The following CACNA1C variants were observed in gnomAD, a reference collection of about 807,000 sequenced individuals.
CACNA1C encodes voltage-dependent L-type calcium channel subunit alpha-1C.
CACNA1C carries 30 observed loss-of-function variants against 229.0 expected under a neutral mutation model. That is an observed-to-expected ratio of 0.13 (90% CI 0.10 to 0.18). CACNA1C has a LOEUF of 0.18. Ranked by LOEUF, CACNA1C falls within the 10% of genes least tolerant of loss-of-function variation. The pLI is 1.00. For synonymous variants in CACNA1C, 1,114 were observed against 1,132.5 expected (o/e 0.98, Z 0.33); for missense variants, 1,658 against 2,845.0 (o/e 0.58, Z 9.49).
rs923000662 is a variant in CACNA1C, at chr12:2,098,685, T to C, written c.50-16539T>C. ...GCGATTGTTTTTAAGAGTTGGTTGC[T>C]TAACATGGAAAATGTGCTTCTGGGA... On this transcript the variant is annotated intron_variant, in intron 1 of 46. Coordinates refer to ENST00000399655, the MANE Select transcript of CACNA1C (RefSeq NM_000719.7). Among the ~76,000 whole-genome samples the C allele has an allele frequency of 3.3e-5, 5 of 152,378 alleles. 1 individual carries two copies. The highest frequency in any genetic ancestry group is 6.5e-5 in the Admixed American group (1 of 15,310).
chr12:2,206,081 C>T (rs1198760509), intron 3 of CACNA1C, among the ~76,000 whole-genome samples: 3 of 152,080 alleles, frequency 2.0e-5, no homozygotes, highest in Non-Finnish European at 4.4e-5. Context: ...GTGGGAATTA[C>T]CCTGATTTGA....
At chr12:2,428,560 C>T (rs147730737) in intron 3 of CACNA1C, among the ~76,000 whole-genome samples, 49 of 152,286 alleles carry the variant, frequency 3.2e-4, no homozygotes, top group African/African-American at 1.1e-3. Flanking sequence ...ATCTCAAAGG[C>T]GGGGAGCTTT....
exon 1 of CACNA1C, chr12:1,970,975 T>C (rs1310463174): frequency 2.4e-6 from 2 of 828,368 alleles, no homozygotes; most frequent in African/African-American, 1.8e-5. Flanking sequence ...GAATAGCTTC[T>C]GGGTTTTAAA....
chr12:2,421,980 A>G (rs1595851040), intron 3 of CACNA1C, among the ~76,000 whole-genome samples: 1 of 152,120 alleles, frequency 6.6e-6, no homozygotes, highest in Non-Finnish European at 1.5e-5. Flanking sequence ...GCAACCTGGT[A>G]GTGAACAAAA....
chr12:2,437,553 C>T (rs2099146714), intron 3 of CACNA1C, among the ~76,000 whole-genome samples: 2 of 152,234 alleles, frequency 1.3e-5, no homozygotes, highest in African/African-American at 4.8e-5. Flanking sequence ...AGTTTTTACC[C>T]ATCATGCAGA....
Position 2,354,271 on chromosome 12 carries a change from G to T in CACNA1C, c.478-94705G>T, listed in dbSNP as rs574443274. On this transcript the variant is annotated intron_variant, in intron 3 of 46. Coordinates refer to ENST00000399655, the MANE Select transcript of CACNA1C (RefSeq NM_000719.7). The surrounding 1 kb of genome is among the most constrained non-coding windows in gnomAD (Gnocchi z 4.6). Reference sequence around the variant, plus strand: ...TCACCTGGCTCTCTTGCCTAAGCCTGTCACAGAAGCCCTGCAGAGCAGGAA... The same window carrying T: ...TCACCTGGCTCTCTTGCCTAAGCCTTTCACAGAAGCCCTGCAGAGCAGGAA... Among the ~76,000 whole-genome samples the T allele has an allele frequency of 1.3e-5, 2 of 152,206 alleles. No homozygotes were observed. Among genetic ancestry groups the T allele is most frequent in the African/African-American group, 2.4e-5 (1 of 41,440 alleles).
chr12:2,615,032 G>A (rs987885615), intron 29 of CACNA1C: 1 of 151,974 alleles, frequency 6.6e-6, no homozygotes, highest in Non-Finnish European at 1.5e-5. Flanking sequence ...TTTAGATTGA[G>A]TCGGTCCCTG....
chr12:2,650,866 T>A (rs1415975039), intron 31 of CACNA1C, among the ~76,000 whole-genome samples: 1 of 152,044 alleles, frequency 6.6e-6, no homozygotes, highest in Non-Finnish European at 1.5e-5. Context: ...TCCCCTCCCT[T>A]ACGCTGCCCC....
intron 30 of CACNA1C, among the ~76,000 whole-genome samples, 176 bp downstream of exon 30, chr12:2,634,556 C>T (rs1399342593): frequency 7.5e-6 from 1 of 133,278 alleles, no homozygotes; most frequent in Non-Finnish European, 1.6e-5. Flanking sequence ...ATTTTGAAAT[C>T]TTTTTTTTTT....
At chr12:2,502,086 C>T (rs372600188) in intron 7 of CACNA1C, among the ~76,000 whole-genome samples, 1 of 152,200 alleles carries the variant, frequency 6.6e-6, no homozygotes. Context: ...CCCTTGCCCC[C>T]CTCAGCCTCA....
intron 3 of CACNA1C, among the ~76,000 whole-genome samples, chr12:2,437,386 G>A (rs1312480633): frequency 2.0e-5 from 3 of 152,216 alleles, no homozygotes; most frequent in African/African-American, 4.8e-5. Context: ...GAGGTGGCTG[G>A]GAGGTGAGCT....
At chr12:2,135,587 C>T (rs1366939600) in intron 3 of CACNA1C, among the ~76,000 whole-genome samples, 4 of 136,108 alleles carry the variant, frequency 2.9e-5, no homozygotes, top group South Asian at 4.5e-4. Context: ...CAGTCTGCCC[C>T]TGCTGGGGGG....
chr12:2,682,081 C>T (rs753573041), intron 42 of CACNA1C: 2 of 1,300,088 alleles, frequency 1.5e-6, no homozygotes, highest in Admixed American at 1.7e-5. Context: ...GTGCCTTTAC[C>T]CCAGGGTGCC....
At position 2,639,168 on chromosome 12, in the gene CACNA1C, G is replaced by C. The variant is rs549432798; in HGVS notation, c.3912+4788G>C. Among the ~76,000 whole-genome samples the C allele has an allele frequency of 6.6e-6, 1 of 152,190 alleles. No individual in the cohort carries two copies. The highest frequency in any genetic ancestry group is 1.5e-5 in the Non-Finnish European group (1 of 68,034). On this transcript the variant is annotated intron_variant, in intron 30 of 46. Transcript: ENST00000399655. This position sits in a 1 kb window ranked among gnomAD's most constrained non-coding sequence, Gnocchi z 4.2. ...AGCCATGGGCCCCGGCCCTTCTCCTGCCAATGCATCACCTGGGTCTAAATC... is the reference window on the plus strand; with the variant it reads ...AGCCATGGGCCCCGGCCCTTCTCCTCCCAATGCATCACCTGGGTCTAAATC...
chr12:2,593,358 G>A lies in CACNA1C; in HGVS notation c.2663+13G>A. 1 of 1,613,118 alleles carries A rather than the reference G, an allele frequency of 6.2e-7. No homozygotes were observed. Among genetic ancestry groups the A allele is most frequent in the Non-Finnish European group, 8.5e-7 (1 of 1,179,658 alleles). On this transcript the variant is annotated intron_variant, in intron 19 of 46. Coordinates refer to ENST00000399655, the MANE Select transcript of CACNA1C (RefSeq NM_000719.7). Reference sequence around the variant, plus strand: ...GCTCTAACAACAGGTGTGCAGCAATGGTGGGGAAGGTGGGGTCCTGCTCTC... The same window carrying A: ...GCTCTAACAACAGGTGTGCAGCAATAGTGGGGAAGGTGGGGTCCTGCTCTC...
rs998779089 is a variant in CACNA1C at position 1,975,408 on chromosome 12, A to AT, written c.139+4212dup. The stretch of plus-strand genomic sequence containing the variant: ...ATTATTTGAAACTATTTACTAAATG[A>AT]TTTTTGGACAAAAATTAGTAATATA... On this transcript the variant is annotated intron_variant, in intron 1 of 46. Coordinates refer to the CACNA1C transcript ENST00000682462. Among the ~76,000 whole-genome samples, 10 of 152,262 alleles carry AT rather than the reference A, an allele frequency of 6.6e-5. No individual in the cohort carries two copies. In the Middle Eastern group the frequency reaches 0.02, roughly 311 times the overall value.
chr12:2,305,464 C>T (rs527351100), intron 3 of CACNA1C, among the ~76,000 whole-genome samples: 1 of 152,296 alleles, frequency 6.6e-6, no homozygotes, highest in East Asian at 1.9e-4. Context: ...GTGTTTTCCC[C>T]ATCCTCATGT....
intron 1 of CACNA1C, among the ~76,000 whole-genome samples, chr12:2,081,519 C>T (rs553729319): frequency 4.6e-5 from 7 of 151,782 alleles, no homozygotes; most frequent in African/African-American, 1.2e-4. Context: ...TGCAGTGAGC[C>T]GAGATCGCGC....
At chr12:2,617,648 C>T (rs1029415281) in intron 29 of CACNA1C, among the ~76,000 whole-genome samples, 6 of 152,210 alleles carry the variant, frequency 3.9e-5, no homozygotes, top group Admixed American at 3.9e-4. Context: ...TTGGCCCTGA[C>T]ATGGGTGGCC....
Sources: allele counts gnomAD v4.1 joint callset (sites outside exome capture counted in the v4.1 genomes callset), GRCh38; gene constraint gnomAD v4.1.1; non-coding constraint Gnocchi (gnomAD v3.1); transcripts MANE v1.5; gene names NCBI Gene and HGNC (gene_info 2026-07-23, HGNC 2026-07-21).